MCM10: variants seen among roughly 807,000 people sequenced by gnomAD.
The protein encoded by MCM10 is minichromosome maintenance 10 replication initiation factor, also known as protein MCM10 homolog.
Under a neutral mutation model 109.9 loss-of-function variants are expected in MCM10, and 91 were observed. The ratio of observed to expected loss-of-function variants is 0.83; its 90% CI spans 0.70 to 0.99. The LOEUF (loss-of-function observed/expected upper bound fraction) is 0.99. Among genes scored for constraint, MCM10 ranks in the 50% least tolerant of loss-of-function variants. The pLI is 0.00. For missense variants in MCM10, 1,077 were observed against 1,061.2 expected (o/e 1.01, Z -0.21); for synonymous variants, 380 against 387.2 (o/e 0.98, Z 0.22).
chr10:13,196,335 GCCT>G (rs1276922173), intron 14 of MCM10, among the ~76,000 whole-genome samples: 1 of 152,132 alleles, frequency 6.6e-6, no homozygotes, highest in Non-Finnish European at 1.5e-5. Context: ...CCCCAATCGA[GCCT>G]CTCTCTTCCC....
At chr10:13,177,276 C>G (rs1390030421) in intron 6 of MCM10, among the ~76,000 whole-genome samples, 1 of 152,182 alleles carries the variant, frequency 6.6e-6, no homozygotes. Flanking sequence ...ATGTGAACCT[C>G]AGGCCTTAAA....
At chr10:13,166,474 G>A (rs35901227) in intron 2 of MCM10, among the ~76,000 whole-genome samples, 63,863 of 150,782 alleles carry the variant, frequency 0.42, 13,529 homozygotes, top group African/African-American at 0.45. Flanking sequence ...CATCTCTACT[G>A]AAAATACAAA....
At position 13,201,530 on chromosome 10, in the gene MCM10, A is replaced by C. The variant is rs1261747229; in HGVS notation, c.2348A>C (p.Lys783Thr). 1.2e-6 allele frequency: 2 copies of C among 1,606,800 alleles called. No individual in the cohort carries two copies. The highest frequency in any genetic ancestry group is 1.7e-6 in the Non-Finnish European group (2 of 1,176,354). The change falls in exon 17 of 20, where the codon AAG becomes ACG. Residue 783 changes from lysine to threonine, a missense_variant. By Grantham distance (78) the Lys-to-Thr change is moderately conservative (BLOSUM62 -1). Transcript: ENST00000378714. ...GTGAAGTGCCGTGTCGTGACATGCA[A>C]GACGGTGGGTGAAGGTGGGGGCTGC... is the stretch of plus-strand genomic sequence containing the variant. ...REVKCRVVTCKTCAYTHFKLL... is the reference protein window; with the variant it reads ...REVKCRVVTCTTCAYTHFKLL...
Position 13,209,326 on chromosome 10 carries a change from T to G in MCM10, c.*16T>G. ...CCTTAAATAACCCGAACTTCAGACA[T>G]TTTCCCACAGACTTCCTGGCCTCCT... On this transcript the variant is annotated 3_prime_UTR_variant, in exon 20 of 20. Transcript: ENST00000378714. 6.2e-7 allele frequency: 1 copy of G among 1,602,892 alleles called. No homozygotes were observed. Among genetic ancestry groups the G allele is most frequent in the Non-Finnish European group, 8.5e-7 (1 of 1,171,118 alleles).
chr10:13,164,278 T>C, intron 2 of MCM10, 69 bp downstream of exon 2: 3 of 1,455,146 alleles, frequency 2.1e-6, no homozygotes, highest in Middle Eastern at 1.8e-4. Flanking sequence ...GACTTGTTAT[T>C]TATTCTACCT....
intron 14 of MCM10, chr10:13,195,729 G>A (rs1834411779): frequency 6.6e-6 from 1 of 152,374 alleles, no homozygotes; most frequent in African/African-American, 2.4e-5. Flanking sequence ...TCCTGCTTCA[G>A]CCTCCCGAGT....
Position 13,188,897 on chromosome 10 carries a change from G to A in MCM10, c.1232G>A (p.Cys411Tyr). 2 of 1,614,152 alleles carry A rather than the reference G, an allele frequency of 1.2e-6. No homozygotes were observed. Among genetic ancestry groups the A allele is most frequent in the East Asian group, 2.2e-5 (1 of 44,884 alleles). Reference protein sequence around the residue: ...QTVNLRDCEYCQYHVQAQYKK... With the variant: ...QTVNLRDCEYYQYHVQAQYKK... ...CTTTTGCAGCGTGACTGTGAGTACT[G>A]TCAGTACCATGTCCAGGCTCAGTAC... The change falls in exon 10 of 20, where the codon TGT (cysteine) becomes TAT (tyrosine). Residue 411 changes from cysteine to tyrosine, a missense_variant. By Grantham distance (194) the Cys-to-Tyr change is radical (BLOSUM62 -2). Coordinates refer to ENST00000378714, the MANE Select transcript of MCM10 (RefSeq NM_018518.5).
At chr10:13,206,906 G>C (rs1834589542) in intron 18 of MCM10, among the ~76,000 whole-genome samples, 2 of 151,912 alleles carry the variant, frequency 1.3e-5, no homozygotes, top group South Asian at 4.2e-4. Context: ...ATGGGCTCAA[G>C]CGATCCTTCT....
At chr10:13,165,686 C>T (rs749487532) in intron 2 of MCM10, among the ~76,000 whole-genome samples, 1 of 152,004 alleles carries the variant, frequency 6.6e-6, no homozygotes, top group Non-Finnish European at 1.5e-5. Context: ...GCCAGCCCGG[C>T]TAACATAGTG....
intron 13 of MCM10, 60 bp from the exon 14 acceptor site, chr10:13,194,981 T>TTC (rs1834395760): frequency 6.6e-7 from 1 of 1,512,578 alleles, no homozygotes. Context: ...CCACTTTGAG[T>TTC]TCTAGAGTTT....
intron 10 of MCM10, 101 bp downstream of exon 10, chr10:13,189,181 G>C (rs955796174): frequency 2.3e-6 from 3 of 1,284,564 alleles, no homozygotes; most frequent in Non-Finnish European, 3.3e-6. Context: ...TACTTGTACA[G>C]GTTTTATCTT....
chr10:13,198,998 C>T (rs551155708), intron 16 of MCM10, among the ~76,000 whole-genome samples, 191 bp downstream of exon 16: 46 of 152,256 alleles, frequency 3.0e-4, no homozygotes, highest in South Asian at 6.2e-4. Context: ...CAGGTTCAAG[C>T]GATTCTCCTG....
In MCM10 at chr10:13,192,494, C is replaced by T; in HGVS notation, c.1671C>T (p.Ala557=). ...SPKPAIKSIS[A]SALLKQQKQR... is the part of the protein sequence containing the mutation. ...AACCAGCCATCAAGTCCATCTCGGC[C>T]TCAGCACTCTTGAAGCAACAGAAGC... Residue 557 remains alanine (A), a synonymous_variant, in exon 13 of 20, where the codon GCC becomes GCT. Coordinates refer to ENST00000378714, the MANE Select transcript of MCM10 (RefSeq NM_018518.5). 1 of 1,614,174 alleles carries T rather than the reference C, an allele frequency of 6.2e-7. No homozygotes were observed. The highest frequency in any genetic ancestry group is 1.6e-4 in the Middle Eastern group (1 of 6,062).
intron 2 of MCM10, among the ~76,000 whole-genome samples, chr10:13,165,381 T>C (rs1179622890): frequency 6.6e-6 from 1 of 152,214 alleles, no homozygotes; most frequent in Non-Finnish European, 1.5e-5. Flanking sequence ...GGTTATTCCT[T>C]ATGTGAAACT....
At chr10:13,174,517 A>G (rs1310183907) in intron 5 of MCM10, among the ~76,000 whole-genome samples, 2 of 152,188 alleles carry the variant, frequency 1.3e-5, no homozygotes, top group East Asian at 3.8e-4. Context: ...ATCTTGATGA[A>G]TATTCAGTAA....
chr10:13,164,093 T>C, intron 1 of MCM10, 35 bp from the exon 2 acceptor site: 1 of 915,872 alleles, frequency 1.1e-6, no homozygotes, highest in Non-Finnish European at 1.6e-6. Flanking sequence ...AAGAGAAGAA[T>C]TGAAAGTGAC....
chr10:13,201,303 TTC>T lies in MCM10; in HGVS notation c.2239-116_2239-115del, dbSNP rs1834494959. The T allele has an allele frequency of 8.6e-6, 6 of 694,474 alleles. No individual in the cohort carries two copies. In the South Asian group the frequency reaches 1.1e-4, roughly 12 times the overall value. The allele number at this position is 694,474 out of a possible 1,614,324, so 43.0% of individuals were successfully genotyped here. A position where few individuals can be genotyped will look rare whatever the true frequency, so the allele number is the denominator to read the frequency against. The stretch of plus-strand genomic sequence containing the variant: ...CACTTAGCCTGCCTCTTCCATTCTG[TTC>T]TGTTTTGATTATTATCAGCTGAGTC... On this transcript the variant is annotated intron_variant, in intron 16 of 19. Coordinates refer to ENST00000378714, the MANE Select transcript of MCM10 (RefSeq NM_018518.5).
At chr10:13,189,611 C>CTT (rs1231427073) in intron 10 of MCM10, among the ~76,000 whole-genome samples, 7 of 152,246 alleles carry the variant, frequency 4.6e-5, no homozygotes, top group Non-Finnish European at 1.0e-4. Context: ...GCATGAGCCA[C>CTT]TGCTCCCAGC....
At chr10:13,173,855 C>A (rs535384038) in intron 5 of MCM10, among the ~76,000 whole-genome samples, 3 of 152,062 alleles carry the variant, frequency 2.0e-5, no homozygotes, top group Non-Finnish European at 4.4e-5. Context: ...TCTAGGGTCA[C>A]CCTGGCCCCC....
Sources: gnomAD v4.1 joint callset for allele counts (sites outside exome capture counted in the v4.1 genomes callset) on GRCh38, gnomAD v4.1.1 for gene constraint, MANE v1.5 for transcripts, NCBI Gene and HGNC (gene_info 2026-07-23, HGNC 2026-07-21) for gene names.